C3orf70: variants seen among roughly 807,000 people sequenced by gnomAD.
C3orf70 encodes chromosome 3 open reading frame 70.
C3orf70 carries 15 observed loss-of-function variants against 20.7 expected under a neutral mutation model. The ratio of observed to expected loss-of-function variants is 0.72; its 90% CI spans 0.48 to 1.11. The LOEUF (loss-of-function observed/expected upper bound fraction) is 1.11, where lower values mean the gene tolerates loss of function less well. C3orf70 is among the 50% of genes most tolerant of loss of function. C3orf70 has a pLI of 0.00. For synonymous variants in C3orf70, 161 were observed against 125.7 expected (o/e 1.28, Z -1.88); for missense variants, 332 against 317.6 (o/e 1.05, Z -0.34).
Position 185,093,290 on chromosome 3 carries a change from T to C in C3orf70, c.197-9727A>G, listed in dbSNP as rs2108589545. Among the ~76,000 whole-genome samples the C allele has an allele frequency of 1.3e-5, 2 of 152,304 alleles. 1 individual carries two copies. The highest frequency in any genetic ancestry group is 4.1e-4 in the South Asian group (2 of 4,822). On this transcript the variant is annotated intron_variant, in intron 1 of 1. Transcript: ENST00000335012. ...TCTGACACCCTCAAGTATGGGCAGC[T>C]TAACCCTGAGACCAGCCTTAAAAAT...
chr3:185,130,909 A>G (rs1716510950), intron 1 of C3orf70, among the ~76,000 whole-genome samples: 1 of 152,190 alleles, frequency 6.6e-6, no homozygotes, highest in Admixed American at 6.5e-5. Flanking sequence ...ATTATGATTA[A>G]TGCTGCTATA....
intron 1 of C3orf70, among the ~76,000 whole-genome samples, chr3:185,141,687 T>C (rs901700295): frequency 1.3e-5 from 2 of 152,118 alleles, no homozygotes; most frequent in African/African-American, 2.4e-5. Flanking sequence ...CCACTAACAT[T>C]CTGGGAATAA....
intron 1 of C3orf70, among the ~76,000 whole-genome samples, chr3:185,101,337 T>C (rs1715820068): frequency 6.6e-6 from 1 of 152,144 alleles, no homozygotes; most frequent in South Asian, 2.1e-4. Flanking sequence ...TCCACCACGA[T>C]CAAGTAGGCT....
intron 1 of C3orf70, among the ~76,000 whole-genome samples, chr3:185,109,517 G>A (rs1275535644): frequency 2.0e-5 from 3 of 152,086 alleles, no homozygotes; most frequent in African/African-American, 4.8e-5. Context: ...AACACCCGTC[G>A]AACACAGCCA....
chr3:185,084,697 A>G (rs1002341767), intron 1 of C3orf70, among the ~76,000 whole-genome samples: 1 of 152,194 alleles, frequency 6.6e-6, no homozygotes, highest in Non-Finnish European at 1.5e-5. Flanking sequence ...ACATGGAAGT[A>G]AAACCTAAAT....
chr3:185,112,052 A>T (rs865809727), intron 1 of C3orf70, among the ~76,000 whole-genome samples: 3 of 152,248 alleles, frequency 2.0e-5, no homozygotes, highest in Middle Eastern at 3.4e-3. Flanking sequence ...GCACTTTGGG[A>T]GGCTGAGGCA....
rs1247141421 is a variant in C3orf70 at position 185,081,999 on chromosome 3, T to TA, written c.*1007dup. ...GCATTTCCATGCTAACTAAAACTAT[T>TA]AATTTATTTTTTTTCCTTAAGATGT... On this transcript the variant is annotated 3_prime_UTR_variant, in exon 2 of 2. Transcript: ENST00000335012. The TA allele has an allele frequency of 1.3e-5, 2 of 152,230 alleles. No homozygotes were observed. Among genetic ancestry groups the TA allele is most frequent in the Admixed American group, 1.3e-4 (2 of 15,282 alleles). The allele number at this position is 152,230 out of a possible 1,614,324, so 9.4% of individuals were successfully genotyped here. A position where few individuals can be genotyped will look rare whatever the true frequency, so the allele number is the denominator to read the frequency against.
intron 1 of C3orf70, among the ~76,000 whole-genome samples, chr3:185,134,328 T>C (rs1416272591): frequency 1.3e-5 from 2 of 152,140 alleles, no homozygotes; most frequent in Non-Finnish European, 2.9e-5. Context: ...GAAAATGGAA[T>C]AGATACTTTT....
chr3:185,148,156 C>T (rs1259702980), intron 1 of C3orf70, among the ~76,000 whole-genome samples: 2 of 152,200 alleles, frequency 1.3e-5, no homozygotes, highest in Non-Finnish European at 2.9e-5. Context: ...TTGGTGCTCA[C>T]GCTTCATCAC....
chr3:185,146,567 C>T (rs1026690739), intron 1 of C3orf70, among the ~76,000 whole-genome samples: 1 of 152,138 alleles, frequency 6.6e-6, no homozygotes, highest in South Asian at 2.1e-4. Context: ...GGATTACAGG[C>T]GTGAGCCACC....
rs562399855 is a variant in C3orf70, at chr3:185,152,608, G to A, written c.196+20C>T. 333 of 1,533,890 alleles carry A rather than the reference G, an allele frequency of 2.2e-4. 2 individuals are homozygous for A. In the East Asian group the frequency reaches 8.1e-3, roughly 38 times the overall value. ...TCCCCCGGACCGCGGCGGAAGGCGG[G>A]AAGACGCGGCTCGACTTACAGTGAC... On this transcript the variant is annotated intron_variant, in intron 1 of 1. Coordinates refer to ENST00000335012, the MANE Select transcript of C3orf70 (RefSeq NM_001025266.3).
intron 1 of C3orf70, among the ~76,000 whole-genome samples, chr3:185,083,859 G>A (rs181481445): frequency 6.6e-6 from 1 of 152,050 alleles, no homozygotes; most frequent in African/African-American, 2.4e-5. Context: ...ACAACTTTAA[G>A]TAATTTACTC....
In C3orf70 at chr3:185,079,980, A is replaced by G. The variant is rs1715297161; in HGVS notation, c.*3027T>C. The G allele has an allele frequency of 6.5e-6, 1 of 152,710 alleles. No individual in the cohort carries two copies. Among genetic ancestry groups the G allele is most frequent in the Non-Finnish European group, 1.5e-5 (1 of 68,050 alleles). 9.5% of individuals were successfully genotyped at this position (152,710 alleles called of 1,614,324 possible). ...AGCGTTACAGAGAATTCCTTCACATAATATAGAACAGGCCTAGAATTTAAA... is the reference window on the plus strand; with the variant it reads ...AGCGTTACAGAGAATTCCTTCACATGATATAGAACAGGCCTAGAATTTAAA... On this transcript the variant is annotated 3_prime_UTR_variant, in exon 2 of 2. Transcript: ENST00000335012.
chr3:185,110,632 C>T (rs1716052206), intron 1 of C3orf70, among the ~76,000 whole-genome samples: 1 of 152,102 alleles, frequency 6.6e-6, no homozygotes, highest in African/African-American at 2.4e-5. Flanking sequence ...TTTGTGATGG[C>T]CATAACGCCC....
intron 1 of C3orf70, among the ~76,000 whole-genome samples, chr3:185,134,057 CT>C (rs1460746347): frequency 6.8e-6 from 1 of 148,004 alleles, no homozygotes; most frequent in Non-Finnish European, 1.5e-5. Flanking sequence ...CCACTGCACA[CT>C]CCAGCCTGGG....
chr3:185,102,692 A>G (rs1715845441), intron 1 of C3orf70, among the ~76,000 whole-genome samples: 1 of 152,196 alleles, frequency 6.6e-6, no homozygotes, highest in Non-Finnish European at 1.5e-5. Flanking sequence ...ACAGCAAGAC[A>G]CTGGTACAAA....
chr3:185,107,495 A>C (rs28837218), intron 1 of C3orf70, among the ~76,000 whole-genome samples: 7,902 of 152,274 alleles, frequency 0.052, 664 homozygotes, highest in African/African-American at 0.18. Context: ...AAAGTTCCTG[A>C]CAAAGATTAG....
chr3:185,152,949 G>C lies in C3orf70; in HGVS notation c.-126C>G, dbSNP rs1363552444. The C allele has an allele frequency of 2.5e-6, 2 of 792,502 alleles. No individual in the cohort carries two copies. The highest frequency in any genetic ancestry group is 3.4e-6 in the Non-Finnish European group (2 of 590,986). The allele number at this position is 792,502 out of a possible 1,614,324, so 49.1% of individuals were successfully genotyped here. On this transcript the variant is annotated 5_prime_UTR_variant, in exon 1 of 2. Transcript: ENST00000335012. Reference sequence around the variant, plus strand: ...CGGGCCGGGAGTCACGCCAGCACGCGGCGGCGGCGGGAGCGCGGCGGTCCC... The same window carrying C: ...CGGGCCGGGAGTCACGCCAGCACGCCGCGGCGGCGGGAGCGCGGCGGTCCC...
chr3:185,151,468 C>T (rs547267157), intron 1 of C3orf70, among the ~76,000 whole-genome samples: 7 of 152,126 alleles, frequency 4.6e-5, no homozygotes, highest in Non-Finnish European at 1.0e-4. Context: ...CTGAGCACAA[C>T]AGGAATAATG....
Sources: gnomAD v4.1 joint callset for allele counts (sites outside exome capture counted in the v4.1 genomes callset) on GRCh38, gnomAD v4.1.1 for gene constraint, MANE v1.5 for transcripts, NCBI Gene and HGNC (gene_info 2026-07-23, HGNC 2026-07-21) for gene names.